COL14A1: variants seen among roughly 807,000 people sequenced by gnomAD.
COL14A1 encodes collagen type XIV alpha 1 chain.
In COL14A1, 136 loss-of-function variants were observed where a neutral mutation model predicts 230.3. The observed-to-expected ratio is 0.59, with a 90% CI of 0.51 to 0.68. The LOEUF (loss-of-function observed/expected upper bound fraction) is 0.68. Among genes scored for constraint, COL14A1 ranks in the 30% least tolerant of loss-of-function variants. COL14A1 has a pLI of 0.00. For synonymous variants in COL14A1, 792 were observed against 784.1 expected (o/e 1.01, Z -0.17); for missense variants, 1,976 against 2,215.8 (o/e 0.89, Z 2.17).
chr8:120,349,056 C>T (rs1301697634), intron 45 of COL14A1, among the ~76,000 whole-genome samples: 3 of 152,166 alleles, frequency 2.0e-5, no homozygotes, highest in Non-Finnish European at 2.9e-5. Context: ...CGGCAGACTG[C>T]CTCCTCAAGT....
chr8:120,226,079 C>T (rs1818084921), intron 15 of COL14A1, among the ~76,000 whole-genome samples: 1 of 151,504 alleles, frequency 6.6e-6, no homozygotes, highest in South Asian at 2.1e-4. Context: ...GGGTGTTATA[C>T]TTTCTGTTGT....
At position 120,237,798 on chromosome 8, in the gene COL14A1, G is replaced by A. The variant is rs769172430; in HGVS notation, c.2350-6081G>A. 1.8e-4 allele frequency among the ~76,000 whole-genome samples: 28 copies of A among 152,250 alleles called. No homozygotes were observed. The Middle Eastern group carries it at 0.017, about 92-fold the overall frequency. On this transcript the variant is annotated intron_variant, in intron 19 of 47. Coordinates refer to ENST00000297848, the MANE Select transcript of COL14A1 (RefSeq NM_021110.4). The stretch of plus-strand genomic sequence containing the variant: ...TTGGTGACCTTTGGATGGGGTTTGA[G>A]TGGTCGTCCTTTTTGTTGATGTTGA...
chr8:120,228,738 A>G lies in COL14A1; in HGVS notation c.2166A>G (p.Thr722=), dbSNP rs367633315. Residue 722 remains threonine, a synonymous_variant, in exon 18 of 48, where the codon ACA becomes ACG. Coordinates refer to ENST00000297848, the MANE Select transcript of COL14A1 (RefSeq NM_021110.4). The part of the protein sequence containing the change: ...TLDSFWTEPA[T]TIVPTTSVTS... ...ACAGTTTTTGGACAGAACCAGCTAC[A>G]ACCATAGTGCCTACCACATCTGTGA... is the stretch of plus-strand genomic sequence containing the variant. 27 of 1,613,912 alleles carry G rather than the reference A, an allele frequency of 1.7e-5. No homozygotes were observed. Among genetic ancestry groups the G allele is most frequent in the Non-Finnish European group, 2.0e-5 (24 of 1,179,924 alleles).
At position 120,280,926 on chromosome 8, in the gene COL14A1, A is replaced by G; in HGVS notation, c.3691A>G (p.Lys1231Glu). The G allele has an allele frequency of 6.3e-7, 1 of 1,588,356 alleles. No individual in the cohort carries two copies. The highest frequency in any genetic ancestry group is 1.2e-5 in the South Asian group (1 of 86,120). Reference sequence around the variant, plus strand: ...TACTTTTTTTTTTTTTTTAGGATTTAAGATGATGGAAATGTTTGGTTTGGT... The same window carrying G: ...TACTTTTTTTTTTTTTTTAGGATTTGAGATGATGGAAATGTTTGGTTTGGT... ...HKDGIDLAGF[K>E]MMEMFGLVEK... Residue 1231 changes from lysine (K) to glutamate (E), a missense_variant, in exon 31 of 48, where the codon AAG becomes GAG. Physicochemically the swap from Lys to Glu is moderately conservative, Grantham distance 56. Around this residue, in one of 3 missense-constraint regions of COL14A1, gnomAD observed 1,791 missense variants for 2,019.5 expected, o/e 0.89. Transcript: ENST00000297848.
chr8:120,204,651 T>C (rs533143685), intron 9 of COL14A1, among the ~76,000 whole-genome samples: 43 of 152,338 alleles, frequency 2.8e-4, no homozygotes, highest in African/African-American at 9.4e-4. Flanking sequence ...GAGGTTCTTG[T>C]GCAAACATAA....
rs775487512 is a variant in COL14A1, at chr8:120,225,168, C to T, written c.1818C>T (p.Ile606=). The T allele has an allele frequency of 1.2e-6, 2 of 1,613,114 alleles. No individual in the cohort carries two copies. Among genetic ancestry groups the T allele is most frequent in the Non-Finnish European group, 1.7e-6 (2 of 1,179,702 alleles). ...LTEYTIAIFS[I]YDEGQSEPLT... is the part of the protein sequence containing the mutation. ...AGTATACTATTGCTATTTTCTCCAT[C>T]TATGATGAAGGACAGTCAGAGCCTC... Residue 606 remains isoleucine, a synonymous_variant, in exon 15 of 48, where the codon ATC becomes ATT. Transcript: ENST00000297848.
Position 120,371,137 on chromosome 8 carries a change from A to G in COL14A1, c.5312-15A>G, listed in dbSNP as rs1823571893. On this transcript the variant is annotated splice_polypyrimidine_tract_variant and intron_variant, in intron 47 of 47. Coordinates refer to ENST00000297848, the MANE Select transcript of COL14A1 (RefSeq NM_021110.4). ...CTGGGTGCAGCAAGTCCCCACCCCC[A>G]CTTTTCCTCTTTAGCTCCCCATCCA... 1 of 1,594,390 alleles carries G rather than the reference A, an allele frequency of 6.3e-7. No individual in the cohort carries two copies. The highest frequency in any genetic ancestry group is 2.2e-5 in the East Asian group (1 of 44,456).
At chr8:120,357,145 CAG>C (rs1480373490) in intron 45 of COL14A1, among the ~76,000 whole-genome samples, 1 of 152,092 alleles carries the variant, frequency 6.6e-6, no homozygotes, top group Non-Finnish European at 1.5e-5. Flanking sequence ...TTTTGTGGGT[CAG>C]GGATTTGAGT....
At chr8:120,175,127 A>G (rs1317688223) in intron 5 of COL14A1, among the ~76,000 whole-genome samples, 1 of 152,238 alleles carries the variant, frequency 6.6e-6, no homozygotes, top group Non-Finnish European at 1.5e-5. Context: ...AAGATCCTTA[A>G]CAGAAGTGGC....
intron 5 of COL14A1, among the ~76,000 whole-genome samples, chr8:120,187,296 C>T (rs1424855357): frequency 2.0e-5 from 3 of 152,132 alleles, no homozygotes; most frequent in African/African-American, 7.2e-5. Flanking sequence ...AACATTACCC[C>T]TTGCCCCCAC....
At chr8:120,263,129 C>A in intron 24 of COL14A1, 115 bp downstream of exon 24, 3 of 1,139,196 alleles carry the variant, frequency 2.6e-6, no homozygotes, top group Non-Finnish European at 3.5e-6. Flanking sequence ...CAGGAATATA[C>A]GTAATACAAG....
At chr8:120,234,994 T>C (rs994960369) in intron 19 of COL14A1, among the ~76,000 whole-genome samples, 1 of 152,296 alleles carries the variant, frequency 6.6e-6, no homozygotes, top group Admixed American at 6.5e-5. Context: ...TTTCAGAACT[T>C]GTTATTGGTC....
intron 45 of COL14A1, among the ~76,000 whole-genome samples, chr8:120,350,067 G>A (rs941285483): frequency 1.4e-5 from 2 of 147,860 alleles, no homozygotes; most frequent in Admixed American, 6.7e-5. Flanking sequence ...CCAGAAGAGA[G>A]TGGGGGCCAA....
intron 26 of COL14A1, among the ~76,000 whole-genome samples, chr8:120,274,054 T>C (rs1819763981): frequency 6.6e-6 from 1 of 151,776 alleles, no homozygotes. Context: ...CAACATCCCT[T>C]GTGAACATAG....
At chr8:120,253,692 G>A (rs982533566) in intron 22 of COL14A1, among the ~76,000 whole-genome samples, 1 of 152,322 alleles carries the variant, frequency 6.6e-6, no homozygotes, top group Admixed American at 6.5e-5. Flanking sequence ...GGGAGGCTGA[G>A]GCAGGTGGAT....
At chr8:120,204,469 G>A (rs1346372183) in intron 9 of COL14A1, among the ~76,000 whole-genome samples, 1 of 152,134 alleles carries the variant, frequency 6.6e-6, no homozygotes, top group Non-Finnish European at 1.5e-5. Flanking sequence ...AGAATTCCCT[G>A]GAGATTCATC....
intron 33 of COL14A1, among the ~76,000 whole-genome samples, chr8:120,286,478 T>G (rs1354730357): frequency 1.3e-5 from 2 of 152,134 alleles, no homozygotes; most frequent in Non-Finnish European, 2.9e-5. Flanking sequence ...AACCTAAGTT[T>G]ACTTGTCATT....
At position 120,208,278 on chromosome 8, in the gene COL14A1, T is replaced by C; in HGVS notation, c.1238T>C (p.Met413Thr). Residue 413 changes from methionine to threonine, a missense_variant, in exon 11 of 48, where the codon ATG becomes ACG. Met to Thr is a moderately conservative substitution (Grantham distance 81). Coordinates refer to ENST00000297848, the MANE Select transcript of COL14A1 (RefSeq NM_021110.4). ...TCTTCCACAGTGTTGAAAAACTTGATGTCTTTAACTGAATATCAGATAGCA... is the reference window on the plus strand; with the variant it reads ...TCTTCCACAGTGTTGAAAAACTTGACGTCTTTAACTGAATATCAGATAGCA... ...TVSSTVLKNL[M>T]SLTEYQIAVF... is the part of the protein sequence containing the mutation. The C allele has an allele frequency of 1.9e-6, 3 of 1,613,644 alleles. No homozygotes were observed. Among genetic ancestry groups the C allele is most frequent in the Non-Finnish European group, 2.5e-6 (3 of 1,179,720 alleles).
At position 120,209,834 on chromosome 8, in the gene COL14A1, C is replaced by T. The variant is rs544302693; in HGVS notation, c.1400C>T (p.Pro467Leu). The T allele has an allele frequency of 6.2e-6, 10 of 1,613,878 alleles. No homozygotes were observed. The African/African-American group carries it at 1.1e-4, about 17-fold the overall frequency. ...NSMRVKWDAV[P>L]GASGYLILYA... The stretch of plus-strand genomic sequence containing the variant: ...ATGCGAGTCAAATGGGATGCAGTGC[C>T]TGGGGCCTCAGGTTACCTGATCCTT... The change falls in exon 12 of 48, where the codon CCT becomes CTT. Residue 467 changes from proline (P) to leucine (L), a missense_variant. By Grantham distance (98) the Pro-to-Leu change is moderately conservative. Coordinates refer to ENST00000297848, the MANE Select transcript of COL14A1 (RefSeq NM_021110.4).
Sources: gnomAD v4.1 joint callset for allele counts (sites outside exome capture counted in the v4.1 genomes callset) on GRCh38, gnomAD v4.1.1 for gene constraint, gnomAD v4.1.1 regional missense constraint, MANE v1.5 for transcripts, NCBI Gene and HGNC (gene_info 2026-07-23, HGNC 2026-07-21) for gene names.